NTM: variants seen among roughly 807,000 people sequenced by gnomAD.
The protein encoded by NTM is neurotrimin, also known as IgLON family member 2.
In NTM, 13 loss-of-function variants were observed where a neutral mutation model predicts 42.1. The observed-to-expected ratio is 0.31, with a 90% CI of 0.20 to 0.49. The LOEUF (loss-of-function observed/expected upper bound fraction) is 0.49. NTM is among the 20% of genes least tolerant of loss of function. The probability of loss-of-function intolerance (pLI) is 0.99; values close to 1 mark genes in which losing one functional copy is unlikely to be tolerated. For synonymous variants in NTM, 187 were observed against 179.2 expected, an observed-to-expected ratio of 1.04 and a Z score of -0.35; for missense variants, 373 against 452.8, an observed-to-expected ratio of 0.82 and a Z score of 1.60.
chr11:131,905,432 A>C (rs12281513), intron 1 of NTM, among the ~76,000 whole-genome samples: 19,611 of 152,164 alleles, frequency 0.13, 1,366 homozygotes, highest in African/African-American at 0.16. Context: ...TGAGGCTGTC[A>C]AAGAAGTTTC....
intron 1 of NTM, among the ~76,000 whole-genome samples, chr11:131,890,184 C>G (rs2051091604): frequency 6.7e-6 from 1 of 149,730 alleles, no homozygotes; most frequent in African/African-American, 2.5e-5. Context: ...CTCTGTCTCT[C>G]TCTCTCTCTC....
At chr11:131,424,600 C>CTTTTCTTTTCTTTTTT (rs1555108116) in intron 1 of NTM, among the ~76,000 whole-genome samples, 1 of 56,052 alleles carries the variant, frequency 1.8e-5, no homozygotes, top group African/African-American at 7.3e-5. Context: ...CTTTTCTTTT[C>CTTTTCTTTTCTTTTTT]TTTTTTTTTT....
intron 1 of NTM, among the ~76,000 whole-genome samples, chr11:131,809,608 C>CT: frequency 6.6e-6 from 1 of 152,352 alleles, no homozygotes; most frequent in South Asian, 2.1e-4. Context: ...CCTCTCCCCA[C>CT]TTTTTTGTCA....
intron 2 of NTM, among the ~76,000 whole-genome samples, chr11:132,070,853 C>T (rs1219770798): frequency 7.1e-6 from 1 of 140,366 alleles, no homozygotes; most frequent in Non-Finnish European, 1.6e-5. Context: ...GTCACACTGA[C>T]CATCACAGGT....
intron 3 of NTM, among the ~76,000 whole-genome samples, chr11:132,197,066 A>G (rs192651091): frequency 9.8e-5 from 15 of 152,348 alleles, no homozygotes; most frequent in Admixed American, 7.2e-4. Flanking sequence ...GTTAAGCCAC[A>G]GATGGGATGG....
chr11:131,773,356 G>A (rs1036949775), intron 1 of NTM, among the ~76,000 whole-genome samples: 6 of 152,226 alleles, frequency 3.9e-5, no homozygotes, highest in African/African-American at 1.4e-4. Flanking sequence ...TGGTGATTAT[G>A]TTTCAATACA....
At chr11:132,213,621 A>G (rs899155609) in intron 4 of NTM, among the ~76,000 whole-genome samples, 4 of 152,086 alleles carry the variant, frequency 2.6e-5, no homozygotes, top group African/African-American at 9.7e-5. Context: ...GGCCCCAAGT[A>G]CCAAATTCTA....
rs1359619488 is a variant in NTM, at chr11:131,873,574, C to CGT, written c.83-37990_83-37989insGT. ...CATATATATATACCGTATATATATA[C>CGT]ATATATATATACCGTATATATATAC... On this transcript the variant is annotated intron_variant, in intron 1 of 8. Coordinates refer to ENST00000683400, the MANE Select transcript of NTM (RefSeq NM_001352005.2). Among the ~76,000 whole-genome samples the CGT allele has an allele frequency of 1.7e-4, 6 of 35,230 alleles. 1 individual carries two copies. The highest frequency in any genetic ancestry group is 4.7e-4 in the African/African-American group (6 of 12,742). 23.1% of individuals were successfully genotyped at this position (35,230 alleles called of 152,430 possible). A position where few individuals can be genotyped will look rare whatever the true frequency, so the allele number is the denominator to read the frequency against.
chr11:131,594,293 T>C (rs991867777), intron 1 of NTM, among the ~76,000 whole-genome samples: 1 of 152,226 alleles, frequency 6.6e-6, no homozygotes, highest in South Asian at 2.1e-4. Context: ...TACCAAGAAC[T>C]GAGTGCTTGC....
chr11:131,459,060 A>C (rs1450106458), intron 1 of NTM, among the ~76,000 whole-genome samples: 13 of 152,252 alleles, frequency 8.5e-5, no homozygotes, highest in Admixed American at 8.5e-4. Flanking sequence ...GCCAGATTGC[A>C]CAGGATAATG....
chr11:131,658,530 G>A (rs1027875457), intron 1 of NTM, among the ~76,000 whole-genome samples: 2 of 152,186 alleles, frequency 1.3e-5, no homozygotes, highest in African/African-American at 4.8e-5. Flanking sequence ...TTATTCAAGA[G>A]TAATAGAGGA....
chr11:132,330,432 C>T (rs943584948), intron 8 of NTM, among the ~76,000 whole-genome samples: 2 of 152,156 alleles, frequency 1.3e-5, no homozygotes, highest in Admixed American at 6.5e-5. Flanking sequence ...CTAATGAGCA[C>T]CTGTCAGTGC....
intron 1 of NTM, among the ~76,000 whole-genome samples, chr11:131,568,435 T>C (rs1377913017): frequency 1.3e-5 from 2 of 152,216 alleles, no homozygotes; most frequent in Non-Finnish European, 2.9e-5. Context: ...CAAAGTCACA[T>C]TGCAAATGCC....
intron 2 of NTM, among the ~76,000 whole-genome samples, chr11:132,004,636 A>T (rs1177569): frequency 0.02 from 2,504 of 127,758 alleles, 70 homozygotes; most frequent in Admixed American, 0.096. Context: ...TCTCTCTCTC[A>T]CACACACACA....
At position 131,871,517 on chromosome 11, in the gene NTM, T is replaced by C. The variant is rs531941060; in HGVS notation, c.83-40047T>C. Among the ~76,000 whole-genome samples the C allele has an allele frequency of 3.9e-5, 6 of 152,370 alleles. No homozygotes were observed. The South Asian group carries it at 1.2e-3, about 32-fold the overall frequency. On this transcript the variant is annotated intron_variant, in intron 1 of 8. Transcript: ENST00000683400. ...TATTATAGTGTGGTTTATACTATGA[T>C]GATACAACTATAGCTATTAGCGATC...
chr11:132,177,179 G>T (rs956556569), intron 3 of NTM, among the ~76,000 whole-genome samples: 1 of 152,162 alleles, frequency 6.6e-6, no homozygotes, highest in African/African-American at 2.4e-5. Flanking sequence ...GTGACATTTT[G>T]CTGCCAAAAA....
At chr11:132,165,683 C>T (rs1176421369) in intron 3 of NTM, among the ~76,000 whole-genome samples, 1 of 152,134 alleles carries the variant, frequency 6.6e-6, no homozygotes, top group Non-Finnish European at 1.5e-5. Context: ...AAAGATGGGG[C>T]TTGAACCCTT....
chr11:131,917,701 A>G (rs1346187319), intron 2 of NTM, among the ~76,000 whole-genome samples: 2 of 152,038 alleles, frequency 1.3e-5, no homozygotes, highest in African/African-American at 4.8e-5. Flanking sequence ...CAGAATAGCA[A>G]TGCTACTCAG....
chr11:132,053,117 C>T (rs1312397565), intron 2 of NTM, among the ~76,000 whole-genome samples: 2 of 152,090 alleles, frequency 1.3e-5, no homozygotes, highest in African/African-American at 4.8e-5. Flanking sequence ...GCATCTCAGC[C>T]CTGGGCATGC....
Sources: allele counts gnomAD v4.1 joint callset (sites outside exome capture counted in the v4.1 genomes callset), GRCh38; gene constraint gnomAD v4.1.1; transcripts MANE v1.5; gene names NCBI Gene and HGNC (gene_info 2026-07-23, HGNC 2026-07-21).